The following FXYD5 variants were observed in gnomAD, a reference collection of about 807,000 sequenced individuals.
FXYD5 encodes the protein FXYD domain containing ion transport regulator 5, also known as FXYD domain-containing ion transport regulator 5.
Under a neutral mutation model 25.7 loss-of-function variants are expected in FXYD5, and 21 were observed. The ratio of observed to expected loss-of-function variants is 0.82; its 90% CI spans 0.58 to 1.18. The LOEUF (loss-of-function observed/expected upper bound fraction) is 1.18, where lower values mean the gene tolerates loss of function less well. Ranked by LOEUF, FXYD5 falls within the 50% of genes most tolerant of loss-of-function variation. The pLI, the probability that FXYD5 is intolerant of heterozygous loss-of-function variation, is 0.00. For missense variants in FXYD5, 229 were observed against 227.7 expected (o/e 1.01, Z -0.04); for synonymous variants, 101 against 90.7 (o/e 1.11, Z -0.64).
chr19:35,166,513 C>T (rs773958211), intron 8 of FXYD5, 188 bp downstream of exon 8: 3 of 503,826 alleles, frequency 6.0e-6, no homozygotes, highest in Non-Finnish European at 1.0e-5. Flanking sequence ...CTCAATACCA[C>T]AGTTTGGAAA....
Position 35,158,413 on chromosome 19 carries a change from G to C in FXYD5, c.199+13G>C. The C allele has an allele frequency of 2.0e-6, 3 of 1,515,402 alleles. No individual in the cohort carries two copies. Among genetic ancestry groups the C allele is most frequent in the Non-Finnish European group, 2.8e-6 (3 of 1,090,672 alleles). 93.9% of individuals were successfully genotyped at this position (1,515,402 alleles called of 1,614,324 possible). On this transcript the variant is annotated intron_variant, in intron 4 of 8. Coordinates refer to ENST00000392219, the MANE Select transcript of FXYD5 (RefSeq NM_014164.6). ...TGGCCTGCTGATGGTGAGTAGTGCA[G>C]GGGCAGGCGGCGGGGACAGGACCAA...
intron 5 of FXYD5, among the ~76,000 whole-genome samples, chr19:35,163,673 G>A (rs112210197): frequency 1.3e-5 from 2 of 152,130 alleles, no homozygotes; most frequent in African/African-American, 4.8e-5. Flanking sequence ...GTAGAGGCGG[G>A]GTTTCACCAT....
At chr19:35,157,388 C>A (rs74836246) in intron 2 of FXYD5, 33 bp from the exon 3 acceptor site, 1 of 1,224,014 alleles carries the variant, frequency 8.2e-7, no homozygotes, top group Non-Finnish European at 1.2e-6. Flanking sequence ...GGGGACCAGG[C>A]TCCCTCCTGA....
In FXYD5 at chr19:35,157,523, T is replaced by C. The variant is rs757729527; in HGVS notation, c.142+22T>C. On this transcript the variant is annotated intron_variant, in intron 3 of 8. Coordinates refer to ENST00000392219, the MANE Select transcript of FXYD5 (RefSeq NM_014164.6). The stretch of plus-strand genomic sequence containing the variant: ...CCAGGTGAGGAAAGGGACACATCTA[T>C]CAAGATCCTGTCATTGCAAATAACA... 5.0e-6 allele frequency: 6 copies of C among 1,188,146 alleles called. No individual in the cohort carries two copies. The Admixed American group carries it at 6.8e-5, about 14-fold the overall frequency. 73.6% of individuals were successfully genotyped at this position (1,188,146 alleles called of 1,614,324 possible).
At chr19:35,167,206 G>A (rs544527429) in intron 8 of FXYD5, among the ~76,000 whole-genome samples, 1 of 152,326 alleles carries the variant, frequency 6.6e-6, no homozygotes, top group African/African-American at 2.4e-5. Context: ...ATCTCTGGAG[G>A]TACAGGCAGG....
chr19:35,155,656 C>T, intron 2 of FXYD5, 45 bp downstream of exon 2: 2 of 1,409,328 alleles, frequency 1.4e-6, no homozygotes, highest in Non-Finnish European at 2.0e-6. Flanking sequence ...AGCCCCCAGC[C>T]AGGCCAGCCC....
chr19:35,167,592 G>T (rs949619109), intron 8 of FXYD5, among the ~76,000 whole-genome samples: 1 of 152,178 alleles, frequency 6.6e-6, no homozygotes, highest in African/African-American at 2.4e-5. Context: ...AAATGTTGTG[G>T]GTGAAATAAA....
At chr19:35,165,911 G>T (rs1412313401) in intron 6 of FXYD5, among the ~76,000 whole-genome samples, 1 of 152,172 alleles carries the variant, frequency 6.6e-6, no homozygotes, top group Non-Finnish European at 1.5e-5. Context: ...GTGAGAAGGT[G>T]TCTGCATGTT....
intron 4 of FXYD5, 43 bp downstream of exon 4, chr19:35,158,443 A>C: frequency 8.3e-7 from 1 of 1,211,852 alleles, no homozygotes; most frequent in Non-Finnish European, 1.2e-6. Flanking sequence ...GACCAAGACA[A>C]ACAAAGTTTC....
intron 4 of FXYD5, 117 bp from the exon 5 acceptor site, chr19:35,160,592 C>T (rs1479581520): frequency 2.3e-5 from 16 of 703,290 alleles, no homozygotes; most frequent in Middle Eastern, 2.8e-4. Context: ...GTAATCTGCC[C>T]GCCTCGGCCT....
chr19:35,167,390 A>G (rs2065460014), intron 8 of FXYD5, among the ~76,000 whole-genome samples: 2 of 152,066 alleles, frequency 1.3e-5, no homozygotes, highest in South Asian at 4.1e-4. Flanking sequence ...CCACTGCCTC[A>G]CTTGTGACCA....
chr19:35,166,173 T>C lies in FXYD5; in HGVS notation c.412+2T>C. On this transcript the variant is annotated splice_donor_variant, in intron 7 of 8. Transcript: ENST00000392219. LOFTEE classifies it high-confidence loss of function. ...ATGAGGATGACCCCTTCTTCTATGG[T>C]AAGTTATCCACAGGAAGATGTGGGG... 6.2e-7 allele frequency: 1 copy of C among 1,613,772 alleles called. No homozygotes were observed. The highest frequency in any genetic ancestry group is 8.5e-7 in the Non-Finnish European group (1 of 1,179,722).
At chr19:35,164,101 T>C in intron 5 of FXYD5, 55 bp from the exon 6 acceptor site, 1 of 1,613,268 alleles carries the variant, frequency 6.2e-7, no homozygotes, top group Non-Finnish European at 8.5e-7. Context: ...TAATATCCCT[T>C]GTTTCTGCCT....
chr19:35,155,670 G>A, intron 2 of FXYD5, 59 bp downstream of exon 2: 2 of 1,260,552 alleles, frequency 1.6e-6, no homozygotes, highest in Non-Finnish European at 1.2e-6. Context: ...CCAGCCCCAC[G>A]TGTGCTGCGG....
chr19:35,166,556 G>C (rs2065453104), intron 8 of FXYD5: 1 of 476,372 alleles, frequency 2.1e-6, no homozygotes. Flanking sequence ...GATTCTTCTG[G>C]TCTCAACTGG....
intron 8 of FXYD5, chr19:35,166,714 T>C: frequency 6.9e-6 from 2 of 289,958 alleles, no homozygotes; most frequent in Non-Finnish European, 1.3e-5. Flanking sequence ...ATAGAGTGAA[T>C]GCATGCAGGC....
At chr19:35,164,699 G>A (rs1160844667) in intron 6 of FXYD5, among the ~76,000 whole-genome samples, 2 of 152,118 alleles carry the variant, frequency 1.3e-5, no homozygotes, top group Non-Finnish European at 2.9e-5. Flanking sequence ...ATACGCCCAT[G>A]GGTCACATAG....
chr19:35,156,261 C>A (rs2065354747), intron 2 of FXYD5, among the ~76,000 whole-genome samples: 1 of 152,158 alleles, frequency 6.6e-6, no homozygotes, highest in African/African-American at 2.4e-5. Flanking sequence ...CCCCCAGAAC[C>A]CAGGGTGCAT....
chr19:35,164,314 G>A (rs900656892), intron 6 of FXYD5, 69 bp downstream of exon 6: 10 of 1,467,646 alleles, frequency 6.8e-6, no homozygotes, highest in African/African-American at 1.4e-5. Flanking sequence ...AGCACCTGGA[G>A]TACAGCCCAG....
Sources: gnomAD v4.1 joint callset for allele counts (sites outside exome capture counted in the v4.1 genomes callset) on GRCh38, gnomAD v4.1.1 for gene constraint, MANE v1.5 for transcripts, NCBI Gene and HGNC (gene_info 2026-07-23, HGNC 2026-07-21) for gene names.